Variants in RSRC1 observed in about 807,000 individuals in gnomAD.
The protein encoded by RSRC1 is arginine and serine rich coiled-coil 1, also known as serine/Arginine-related protein 53.
A neutral mutation model predicts 49.1 loss-of-function variants in RSRC1; 39 were observed. That is an observed-to-expected ratio of 0.79 (90% CI 0.61 to 1.04). RSRC1 has a LOEUF of 1.04. Among genes scored for constraint, RSRC1 ranks in the 50% least tolerant of loss-of-function variants. RSRC1 has a pLI of 0.00. For synonymous variants in RSRC1, 143 were observed against 130.8 expected, an observed-to-expected ratio of 1.09 and a Z score of -0.63; for missense variants, 388 against 402.4, an observed-to-expected ratio of 0.96 and a Z score of 0.31.
At chr3:158,278,444 T>G (rs893107420) in intron 4 of RSRC1, among the ~76,000 whole-genome samples, 1 of 152,226 alleles carries the variant, frequency 6.6e-6, no homozygotes, top group Non-Finnish European at 1.5e-5. Flanking sequence ...TCAATTTTGT[T>G]GAAAATATTC....
intron 7 of RSRC1, among the ~76,000 whole-genome samples, chr3:158,481,065 T>G (rs895329595): frequency 1.9e-4 from 29 of 152,162 alleles, no homozygotes; most frequent in Middle Eastern, 3.4e-3. Flanking sequence ...CACCTTGCTA[T>G]GTGAGGAAGG....
At chr3:158,284,610 T>A (rs1028529740) in intron 4 of RSRC1, among the ~76,000 whole-genome samples, 27 of 146,498 alleles carry the variant, frequency 1.8e-4, no homozygotes, top group African/African-American at 5.9e-4. Context: ...TGGTATCTCA[T>A]TGTGGTTTTG....
intron 4 of RSRC1, among the ~76,000 whole-genome samples, chr3:158,296,398 G>A (rs541466342): frequency 1.3e-5 from 2 of 151,938 alleles, no homozygotes; most frequent in East Asian, 3.9e-4. Context: ...AGAACTGGGA[G>A]TCAGTGATGG....
At chr3:158,431,299 T>C (rs140411350) in intron 6 of RSRC1, among the ~76,000 whole-genome samples, 1 of 151,998 alleles carries the variant, frequency 6.6e-6, no homozygotes, top group East Asian at 2.0e-4. Flanking sequence ...GGAACCTCTG[T>C]AATCTCCATC....
At chr3:158,424,878 T>C (rs1469145453) in intron 6 of RSRC1, among the ~76,000 whole-genome samples, 1 of 152,076 alleles carries the variant, frequency 6.6e-6, no homozygotes, top group Non-Finnish European at 1.5e-5. Flanking sequence ...GACGTGTTTG[T>C]AGTATTCTCT....
intron 5 of RSRC1, among the ~76,000 whole-genome samples, 194 bp from the exon 6 acceptor site, chr3:158,354,663 A>C (rs907623317): frequency 1.3e-5 from 2 of 152,232 alleles, no homozygotes; most frequent in Non-Finnish European, 2.9e-5. Context: ...TTCTAGGAAA[A>C]AAAAATGAAA....
chr3:158,473,505 G>T (rs531808794), intron 7 of RSRC1, among the ~76,000 whole-genome samples: 2 of 152,006 alleles, frequency 1.3e-5, no homozygotes, highest in Admixed American at 1.3e-4. Flanking sequence ...ACACACCGGG[G>T]CCTGTTGTGG....
chr3:158,431,499 T>C (rs2108358077), intron 6 of RSRC1, among the ~76,000 whole-genome samples: 1 of 152,048 alleles, frequency 6.6e-6, no homozygotes, highest in East Asian at 1.9e-4. Context: ...TAAGTTTCTC[T>C]ATTAACTTTA....
At chr3:158,150,191 G>A (rs1345911531) in intron 3 of RSRC1, among the ~76,000 whole-genome samples, 2 of 152,200 alleles carry the variant, frequency 1.3e-5, no homozygotes, top group African/African-American at 2.4e-5. Context: ...TAAAGGATAT[G>A]ATAGATTAAA....
At chr3:158,415,329 C>A (rs1485218834) in intron 6 of RSRC1, among the ~76,000 whole-genome samples, 1 of 152,030 alleles carries the variant, frequency 6.6e-6, no homozygotes, top group Admixed American at 6.6e-5. Flanking sequence ...AGATTCTACT[C>A]TGCATTTGAA....
intron 7 of RSRC1, among the ~76,000 whole-genome samples, chr3:158,489,566 A>G (rs1421853157): frequency 6.6e-6 from 1 of 152,000 alleles, no homozygotes; most frequent in Non-Finnish European, 1.5e-5. Flanking sequence ...TATATAATTT[A>G]TATATTTAGT....
chr3:158,544,332 T>A lies in RSRC1; in HGVS notation c.*57T>A. 1 of 1,141,578 alleles carries A rather than the reference T, an allele frequency of 8.8e-7. No individual in the cohort carries two copies. The highest frequency in any genetic ancestry group is 1.3e-6 in the Non-Finnish European group (1 of 791,440). 70.7% of individuals were successfully genotyped at this position (1,141,578 alleles called of 1,614,324 possible). A position where few individuals can be genotyped will look rare whatever the true frequency, so the allele number is the denominator to read the frequency against. On this transcript the variant is annotated 3_prime_UTR_variant, in exon 10 of 10. Transcript: ENST00000611884. ...GCAGTAACATTGGAAATTTAGGTTT[T>A]TAAATCCCAATATTAACTTTTTACT...
chr3:158,519,823 TTATAAC>T (rs1235101711), intron 7 of RSRC1, among the ~76,000 whole-genome samples: 2 of 152,096 alleles, frequency 1.3e-5, no homozygotes, highest in Non-Finnish European at 2.9e-5. Context: ...CAAATGGTGT[TTATAAC>T]TATATGTTAC....
At chr3:158,340,517 G>C (rs922607015) in intron 5 of RSRC1, among the ~76,000 whole-genome samples, 3 of 152,042 alleles carry the variant, frequency 2.0e-5, no homozygotes, top group Admixed American at 6.6e-5. Flanking sequence ...CTCCAGCCTG[G>C]GCGACAGAGC....
chr3:158,211,352 G>T (rs1168983854), intron 4 of RSRC1, among the ~76,000 whole-genome samples: 1 of 151,892 alleles, frequency 6.6e-6, no homozygotes, highest in Non-Finnish European at 1.5e-5. Flanking sequence ...ACTTGCCAAA[G>T]ATATTACTTA....
At chr3:158,228,267 A>G (rs1722632927) in intron 4 of RSRC1, among the ~76,000 whole-genome samples, 2 of 152,042 alleles carry the variant, frequency 1.3e-5, no homozygotes, top group Non-Finnish European at 2.9e-5. Context: ...TGGTAAAAGA[A>G]TGACAGAATA....
chr3:158,217,950 G>T (rs939591513), intron 4 of RSRC1, among the ~76,000 whole-genome samples: 1 of 151,468 alleles, frequency 6.6e-6, no homozygotes, highest in East Asian at 1.9e-4. Flanking sequence ...GTGAGGGAAG[G>T]AGCAGGGAGA....
intron 5 of RSRC1, among the ~76,000 whole-genome samples, chr3:158,325,852 T>C (rs1729099675): frequency 1.3e-5 from 2 of 152,216 alleles, no homozygotes; most frequent in Non-Finnish European, 2.9e-5. Context: ...TGATTCTTCC[T>C]ATCCATGAGC....
chr3:158,392,862 A>G (rs1375212412), intron 6 of RSRC1, among the ~76,000 whole-genome samples: 1 of 152,084 alleles, frequency 6.6e-6, no homozygotes, highest in African/African-American at 2.4e-5. Flanking sequence ...TCCACCTAAA[A>G]ACAACCAAAT....
Sources: gnomAD v4.1 joint callset for allele counts (sites outside exome capture counted in the v4.1 genomes callset) on GRCh38, gnomAD v4.1.1 for gene constraint, MANE v1.5 for transcripts, NCBI Gene and HGNC (gene_info 2026-07-23, HGNC 2026-07-21) for gene names.